The following NBEA variants were observed in gnomAD, a reference collection of about 807,000 sequenced individuals.
The protein encoded by NBEA is lysosomal-trafficking regulator 2.
A neutral mutation model predicts 343.4 loss-of-function variants in NBEA; 44 were observed. That is an observed-to-expected ratio of 0.13 (90% CI 0.10 to 0.16). NBEA has a LOEUF of 0.16. Among genes scored for constraint, NBEA ranks in the 10% least tolerant of loss-of-function variants. The pLI is 1.00. For synonymous variants in NBEA, 1,175 were observed against 1,238.7 expected, an observed-to-expected ratio of 0.95 and a Z score of 1.08; for missense variants, 2,555 against 3,631.3, an observed-to-expected ratio of 0.70 and a Z score of 7.62.
chr13:35,273,435 A>G (rs1025318094), intron 34 of NBEA, among the ~76,000 whole-genome samples: 4 of 152,296 alleles, frequency 2.6e-5, no homozygotes, highest in Admixed American at 2.0e-4. Context: ...ACACCCTAAC[A>G]TCACAATTAA....
chr13:35,478,749 C>A (rs1594768192), intron 41 of NBEA, among the ~76,000 whole-genome samples: 2 of 152,378 alleles, frequency 1.3e-5, no homozygotes, highest in African/African-American at 4.8e-5. Context: ...CCCCTGCGCC[C>A]TGCGCTCTCT....
chr13:35,611,107 C>T (rs1172724697), intron 48 of NBEA, among the ~76,000 whole-genome samples: 1 of 151,166 alleles, frequency 6.6e-6, no homozygotes, highest in Non-Finnish European at 1.5e-5. Context: ...CTGAAATTCA[C>T]ATATCCTGCT....
chr13:35,305,561 A>C (rs2036835242), intron 35 of NBEA, among the ~76,000 whole-genome samples: 2 of 152,052 alleles, frequency 1.3e-5, no homozygotes, highest in South Asian at 4.1e-4. Context: ...TCTGGCTAGA[A>C]GCTACAAGAG....
At position 35,161,281 on chromosome 13, in the gene NBEA, T is replaced by A. The variant is rs117108730; in HGVS notation, c.3862-469T>A. 2.8e-3 allele frequency among the ~76,000 whole-genome samples: 423 copies of A among 152,304 alleles called. 1 individual carries two copies. Among genetic ancestry groups the A allele is most frequent in the Non-Finnish European group, 4.1e-3 (278 of 68,026 alleles). ...TCTAACTTATCAAATGCATTTGTGTTTTTGAATTGAAGTACTGTAAGTGAA... is the reference window on the plus strand; with the variant it reads ...TCTAACTTATCAAATGCATTTGTGTATTTGAATTGAAGTACTGTAAGTGAA... On this transcript the variant is annotated intron_variant, in intron 22 of 58. Transcript: ENST00000379939.
chr13:35,664,822 G>T (rs1472058002), intron 55 of NBEA, among the ~76,000 whole-genome samples: 1 of 152,220 alleles, frequency 6.6e-6, no homozygotes, highest in African/African-American at 2.4e-5. Flanking sequence ...AAAAAGAATA[G>T]CCATTACCAC....
intron 49 of NBEA, among the ~76,000 whole-genome samples, chr13:35,637,179 A>G (rs757610635): frequency 2.0e-5 from 3 of 152,188 alleles, no homozygotes; most frequent in Non-Finnish European, 4.4e-5. Context: ...AGACATACAC[A>G]TGACCAACAA....
At chr13:35,055,298 C>T (rs1231879719) in intron 6 of NBEA, among the ~76,000 whole-genome samples, 8 of 152,030 alleles carry the variant, frequency 5.3e-5, no homozygotes, top group Non-Finnish European at 8.8e-5. Context: ...AGAAATCAAA[C>T]CATCCATATT....
chr13:35,494,143 AG>A (rs2152975580), intron 41 of NBEA, among the ~76,000 whole-genome samples: 1 of 152,144 alleles, frequency 6.6e-6, no homozygotes, highest in South Asian at 2.1e-4. Context: ...ATAGTAAGAA[AG>A]TAATTAATCA....
chr13:35,509,447 C>A (rs1330964537), intron 41 of NBEA, among the ~76,000 whole-genome samples: 1 of 151,978 alleles, frequency 6.6e-6, no homozygotes, highest in African/African-American at 2.4e-5. Context: ...GGAATGGGGG[C>A]AGGAGAGTCA....
intron 36 of NBEA, among the ~76,000 whole-genome samples, chr13:35,332,013 T>C (rs1031052349): frequency 1.3e-5 from 2 of 152,040 alleles, no homozygotes; most frequent in African/African-American, 4.8e-5. Flanking sequence ...TCATTAAAAT[T>C]CTATTTTTCT....
Position 35,007,043 on chromosome 13 carries a change from C to T in NBEA, c.295-33890C>T, listed in dbSNP as rs1372983396. 6.6e-5 allele frequency among the ~76,000 whole-genome samples: 10 copies of T among 151,160 alleles called. No homozygotes were observed. In the Admixed American group the frequency reaches 6.6e-4, roughly 10 times the overall value. On this transcript the variant is annotated intron_variant, in intron 1 of 58. Transcript: ENST00000379939. ...TTTCTCGTCACTTTTTAAAACAATT[C>T]TGATTTTTAGCACTTTTCCTCTGAT...
At chr13:35,078,513 A>G (rs2064220840) in intron 10 of NBEA, among the ~76,000 whole-genome samples, 1 of 152,192 alleles carries the variant, frequency 6.6e-6, no homozygotes, top group Non-Finnish European at 1.5e-5. Flanking sequence ...AATGAGATGA[A>G]TGTCATATTC....
intron 41 of NBEA, among the ~76,000 whole-genome samples, chr13:35,517,029 A>T (rs2077510654): frequency 6.6e-6 from 1 of 152,160 alleles, no homozygotes; most frequent in Non-Finnish European, 1.5e-5. Flanking sequence ...ATATCTTAAC[A>T]TATACAGTCA....
chr13:34,965,978 G>A (rs536799418), intron 1 of NBEA, among the ~76,000 whole-genome samples: 11 of 152,094 alleles, frequency 7.2e-5, no homozygotes, highest in Admixed American at 1.3e-4. Flanking sequence ...AGCTCTTCAT[G>A]AGAAGAAACA....
chr13:35,377,962 A>G (rs2041832604), intron 38 of NBEA, among the ~76,000 whole-genome samples: 1 of 152,194 alleles, frequency 6.6e-6, no homozygotes, highest in Admixed American at 6.5e-5. Flanking sequence ...TGAGCTCTTC[A>G]GTAATTACTT....
chr13:35,108,105 A>T (rs1013211519), intron 11 of NBEA, among the ~76,000 whole-genome samples: 1 of 152,062 alleles, frequency 6.6e-6, no homozygotes, highest in African/African-American at 2.4e-5. Context: ...TGGTAAGACA[A>T]TTTCATCCCT....
intron 30 of NBEA, among the ~76,000 whole-genome samples, chr13:35,188,155 T>G (rs1248751530): frequency 6.6e-6 from 1 of 151,370 alleles, no homozygotes; most frequent in Admixed American, 6.6e-5. Flanking sequence ...TTTTAGTTTA[T>G]GTATTTATGG....
intron 41 of NBEA, among the ~76,000 whole-genome samples, chr13:35,541,647 G>C (rs903373150): frequency 1.3e-5 from 2 of 151,696 alleles, no homozygotes; most frequent in East Asian, 1.9e-4. Flanking sequence ...TCAGTAAAAG[G>C]CTATGTGCTG....
chr13:35,404,302 A>G (rs2043150297), intron 38 of NBEA, among the ~76,000 whole-genome samples: 1 of 151,978 alleles, frequency 6.6e-6, no homozygotes, highest in Admixed American at 6.6e-5. Context: ...ACACATGCAC[A>G]CGTATGTTTA....
Sources: allele counts gnomAD v4.1 joint callset (sites outside exome capture counted in the v4.1 genomes callset), GRCh38; gene constraint gnomAD v4.1.1; transcripts MANE v1.5; gene names NCBI Gene and HGNC (gene_info 2026-07-23, HGNC 2026-07-21).